CSMD1: variants seen among roughly 807,000 people sequenced by gnomAD.
The protein encoded by CSMD1 is CUB and Sushi multiple domains 1, also known as CUB and sushi domain-containing protein 1.
A neutral mutation model predicts 417.5 loss-of-function variants in CSMD1; 213 were observed. The ratio of observed to expected loss-of-function variants is 0.51; its 90% CI spans 0.46 to 0.57. The LOEUF is 0.57. Among genes scored for constraint, CSMD1 ranks in the 20% least tolerant of loss-of-function variants. CSMD1 has a pLI of 0.00. For synonymous variants in CSMD1, 2,862 were observed against 1,736.8 expected (o/e 1.65, Z -16.11); for missense variants, 6,923 against 4,529.7 (o/e 1.53, Z -15.17).
intron 5 of CSMD1, among the ~76,000 whole-genome samples, chr8:3,769,994 G>A (rs929180421): frequency 2.0e-5 from 3 of 152,180 alleles, no homozygotes; most frequent in African/African-American, 7.2e-5. Flanking sequence ...ACAGTGACCT[G>A]CCTTTTTCTT....
chr8:4,795,308 G>A (rs559487396), intron 1 of CSMD1, among the ~76,000 whole-genome samples: 14 of 104,816 alleles, frequency 1.3e-4, no homozygotes, highest in African/African-American at 4.3e-4. Context: ...GTCCTGCTCT[G>A]TCGCCTAGGC....
chr8:4,395,205 C>G (rs550499418), intron 3 of CSMD1, among the ~76,000 whole-genome samples: 11 of 152,312 alleles, frequency 7.2e-5, no homozygotes, highest in African/African-American at 2.6e-4. Context: ...GAGAGAACAT[C>G]AGACATCTGG....
At chr8:3,214,862 C>G (rs981550402) in intron 29 of CSMD1, among the ~76,000 whole-genome samples, 171 bp from the exon 30 acceptor site, 1 of 152,114 alleles carries the variant, frequency 6.6e-6, no homozygotes, top group African/African-American at 2.4e-5. Flanking sequence ...CCAAGTGAAA[C>G]TATTAATTAA....
At chr8:4,278,167 A>G (rs1796589204) in intron 3 of CSMD1, among the ~76,000 whole-genome samples, 1 of 152,228 alleles carries the variant, frequency 6.6e-6, no homozygotes, top group Non-Finnish European at 1.5e-5. Flanking sequence ...CTTGAATTTC[A>G]GACTACATTC....
intron 1 of CSMD1, among the ~76,000 whole-genome samples, chr8:4,797,507 T>C (rs1798047377): frequency 6.6e-6 from 1 of 152,142 alleles, no homozygotes; most frequent in Admixed American, 6.5e-5. Context: ...GCCAGCACTT[T>C]TAATGCAAAA....
At chr8:3,293,821 C>G (rs980675468) in intron 25 of CSMD1, among the ~76,000 whole-genome samples, 2 of 152,200 alleles carry the variant, frequency 1.3e-5, no homozygotes, top group African/African-American at 2.4e-5. Flanking sequence ...GCCTTCTTCT[C>G]TCAACTTGTC....
At chr8:4,968,569 G>C (rs1420410535) in intron 1 of CSMD1, among the ~76,000 whole-genome samples, 1 of 151,602 alleles carries the variant, frequency 6.6e-6, no homozygotes, top group East Asian at 1.9e-4. Flanking sequence ...TTTTTTTCCG[G>C]GCCTGAACCA....
intron 23 of CSMD1, among the ~76,000 whole-genome samples, chr8:3,316,463 G>A (rs910519399): frequency 6.6e-6 from 1 of 152,086 alleles, no homozygotes; most frequent in African/African-American, 2.4e-5. Context: ...GAATGCTATG[G>A]TTTGCGTGAA....
chr8:4,761,242 T>C (rs189690833), intron 1 of CSMD1, among the ~76,000 whole-genome samples: 1 of 152,164 alleles, frequency 6.6e-6, no homozygotes, highest in East Asian at 1.9e-4. Flanking sequence ...CTATGGAACA[T>C]TCAAAGTGGG....
intron 4 of CSMD1, among the ~76,000 whole-genome samples, chr8:4,029,720 A>G (rs893302072): frequency 1.3e-5 from 2 of 152,018 alleles, no homozygotes; most frequent in African/African-American, 4.8e-5. Context: ...CAGTCCCCCA[A>G]AGTCTTAACT....
rs779429099 is a variant in CSMD1 at position 3,142,503 on chromosome 8, T to C, written c.6203A>G (p.His2068Arg). The change falls in exon 41 of 70, where the codon CAT becomes CGT. Residue 2068 changes from histidine to arginine, a missense_variant. Coordinates refer to ENST00000635120, the MANE Select transcript of CSMD1 (RefSeq NM_033225.6). ...TTTAAATCCTTGCCGGTTTTGCGAA[T>C]GGTCACTATAAAAGTGGATGAGGGT... ...HETLIHFYSD[H>R]SQNRQGFKLA... is the part of the protein sequence containing the mutation. 1 of 1,614,008 alleles carries C rather than the reference T, an allele frequency of 6.2e-7. No homozygotes were observed. The highest frequency in any genetic ancestry group is 1.7e-4 in the Middle Eastern group (1 of 6,056).
At chr8:3,160,107 T>A (rs540664735) in intron 38 of CSMD1, among the ~76,000 whole-genome samples, 20 of 152,274 alleles carry the variant, frequency 1.3e-4, no homozygotes, top group Middle Eastern at 3.4e-3. Flanking sequence ...ATCCTTGAGA[T>A]ATGAAAGACA....
At chr8:3,676,553 G>C (rs369994563) in intron 7 of CSMD1, among the ~76,000 whole-genome samples, 1 of 152,262 alleles carries the variant, frequency 6.6e-6, no homozygotes, top group South Asian at 2.1e-4. Context: ...TGGTACACAT[G>C]TTCTCCCTTA....
intron 3 of CSMD1, among the ~76,000 whole-genome samples, chr8:4,337,835 C>T (rs1392303546): frequency 6.6e-6 from 1 of 152,114 alleles, no homozygotes; most frequent in Non-Finnish European, 1.5e-5. Flanking sequence ...AATTATAAAA[C>T]TTCTTGTTCC....
Position 4,308,243 on chromosome 8 carries a change from G to GT in CSMD1, c.415+111709dup, listed in dbSNP as rs201091077. ...TGTGTGTGGTATGCAGTCATGTATA[G>GT]TTTTTTTTATGTGTGTGTGTGTCTG... On this transcript the variant is annotated intron_variant, in intron 3 of 69. Transcript: ENST00000635120. Among the ~76,000 whole-genome samples the GT allele has an allele frequency of 6.0e-3, 919 of 151,978 alleles. 9 individuals carry two copies. Among genetic ancestry groups the GT allele is most frequent in the African/African-American group, 0.021 (869 of 41,440 alleles).
chr8:3,510,471 T>A (rs188407941), intron 10 of CSMD1, among the ~76,000 whole-genome samples: 2 of 151,962 alleles, frequency 1.3e-5, no homozygotes, highest in East Asian at 1.9e-4. Flanking sequence ...ACCCTCAATA[T>A]CATCTTACAG....
chr8:3,535,251 C>G (rs1001616434), intron 10 of CSMD1, among the ~76,000 whole-genome samples: 1 of 152,122 alleles, frequency 6.6e-6, no homozygotes, highest in Non-Finnish European at 1.5e-5. Context: ...CCGCACCCAG[C>G]CACTGTGGGA....
intron 1 of CSMD1, among the ~76,000 whole-genome samples, chr8:4,877,566 T>C (rs1424762106): frequency 1.3e-5 from 2 of 152,072 alleles, no homozygotes; most frequent in African/African-American, 2.4e-5. Flanking sequence ...GTTCAGCCAG[T>C]TACCCATGCC....
chr8:3,452,920 G>GA (rs1230072810), intron 12 of CSMD1, among the ~76,000 whole-genome samples: 2 of 152,180 alleles, frequency 1.3e-5, no homozygotes, highest in African/African-American at 4.8e-5. Flanking sequence ...ATCTCTGGTA[G>GA]AATTCGGCTG....
Sources: gnomAD v4.1 joint callset for allele counts (sites outside exome capture counted in the v4.1 genomes callset) on GRCh38, gnomAD v4.1.1 for gene constraint, MANE v1.5 for transcripts, NCBI Gene and HGNC (gene_info 2026-07-23, HGNC 2026-07-21) for gene names.